Variants in THEMIS observed in about 807,000 individuals in gnomAD.
The protein encoded by THEMIS is protein THEMIS.
Under a neutral mutation model 52.6 loss-of-function variants are expected in THEMIS, and 37 were observed. The observed-to-expected ratio is 0.70, with a 90% CI of 0.54 to 0.93. The LOEUF (loss-of-function observed/expected upper bound fraction) is 0.93, where lower values mean the gene tolerates loss of function less well. THEMIS is among the 40% of genes least tolerant of loss of function. The pLI, the probability that THEMIS is intolerant of heterozygous loss-of-function variation, is 0.00. For synonymous variants in THEMIS, 292 were observed against 272.7 expected (o/e 1.07, Z -0.70); for missense variants, 808 against 763.1 (o/e 1.06, Z -0.69).
Position 127,829,665 on chromosome 6 carries a change from A to G in THEMIS, c.520T>C (p.Tyr174His). 6.2e-7 allele frequency: 1 copy of G among 1,614,090 alleles called. No homozygotes were observed. Among genetic ancestry groups the G allele is most frequent in the Non-Finnish European group, 8.5e-7 (1 of 1,180,008 alleles). Residue 174 changes from tyrosine (Y) to histidine (H), a missense_variant, in exon 3 of 6, where the codon TAC becomes CAC. Transcript: ENST00000368248. ...NLPLSQEGEF[Y>H]ECEDERIYTL... ...TAAATACGTTCATCTTCACACTCGT[A>G]GAATTCTCCTTCTTGTGACAAAGGC...
chr6:127,829,323 T>C (rs932023748), intron 3 of THEMIS, among the ~76,000 whole-genome samples, 153 bp downstream of exon 3: 5 of 152,192 alleles, frequency 3.3e-5, no homozygotes, highest in South Asian at 2.1e-4. Context: ...TGAGCAAATA[T>C]ATGGTTTGCT....
At chr6:127,806,030 C>A (rs2114579339) in intron 4 of THEMIS, among the ~76,000 whole-genome samples, 1 of 151,762 alleles carries the variant, frequency 6.6e-6, no homozygotes, top group African/African-American at 2.4e-5. Flanking sequence ...CTAGTGAGCC[C>A]ACACTCAATT....
At chr6:127,781,358 G>A (rs58260427) in intron 4 of THEMIS, among the ~76,000 whole-genome samples, 2,617 of 151,984 alleles carry the variant, frequency 0.017, 83 homozygotes, top group African/African-American at 0.06. Context: ...GCTTGGAGGA[G>A]TTTGTTATTA....
intron 2 of THEMIS, among the ~76,000 whole-genome samples, chr6:127,835,116 C>A (rs1438919477): frequency 6.6e-6 from 1 of 151,864 alleles, no homozygotes; most frequent in Non-Finnish European, 1.5e-5. Flanking sequence ...ATAGAGGTAT[C>A]AGGGCTAGAA....
At chr6:127,796,407 G>T (rs1373677293) in intron 4 of THEMIS, among the ~76,000 whole-genome samples, 1 of 152,038 alleles carries the variant, frequency 6.6e-6, no homozygotes, top group Admixed American at 6.5e-5. Flanking sequence ...AAATAAAAAA[G>T]GACAAATTTA....
At chr6:127,906,821 G>C (rs1034191605) in intron 1 of THEMIS, among the ~76,000 whole-genome samples, 1 of 151,818 alleles carries the variant, frequency 6.6e-6, no homozygotes, top group African/African-American at 2.4e-5. Flanking sequence ...TATCCCAAGA[G>C]AAGTATTGTT....
intron 4 of THEMIS, among the ~76,000 whole-genome samples, chr6:127,799,105 G>T (rs1777435763): frequency 6.6e-6 from 1 of 152,112 alleles, no homozygotes; most frequent in Admixed American, 6.5e-5. Flanking sequence ...TAAACGTGAG[G>T]CAAGGTATGA....
At chr6:127,777,670 A>G (rs1776609820) in intron 4 of THEMIS, among the ~76,000 whole-genome samples, 1 of 152,194 alleles carries the variant, frequency 6.6e-6, no homozygotes, top group African/African-American at 2.4e-5. Flanking sequence ...GCTGCTTACC[A>G]GATAATGGAC....
Position 127,719,709 on chromosome 6 carries a change from G to A in THEMIS, c.1873C>T (p.Arg625Cys), listed in dbSNP as rs187644987. The A allele has an allele frequency of 1.7e-5, 28 of 1,611,636 alleles. No homozygotes were observed. Among genetic ancestry groups the A allele is most frequent in the South Asian group, 8.8e-5 (8 of 90,850 alleles). Residue 625 changes from arginine (R) to cysteine (C), a missense_variant, in exon 5 of 6, where the codon CGT (arginine) becomes TGT (cysteine). Physicochemically the swap from Arg to Cys is radical, Grantham distance 180. Transcript: ENST00000368248. ...GTACCTGCTATTGCTGTGGCCCCACGGTTGCTCCTTTCTTTCTCTTCATCC... is the reference window on the plus strand; with the variant it reads ...GTACCTGCTATTGCTGTGGCCCCACAGTTGCTCCTTTCTTTCTCTTCATCC... The part of the protein sequence containing the change: ...LVDEEKERSN[R>C]GATAIAETFK...
At chr6:127,773,160 G>A (rs1776444125) in intron 4 of THEMIS, among the ~76,000 whole-genome samples, 2 of 152,160 alleles carry the variant, frequency 1.3e-5, no homozygotes, top group African/African-American at 4.8e-5. Flanking sequence ...GCCCTGGAAT[G>A]TACTTCCTTG....
At chr6:127,741,475 TG>T (rs1346155797) in intron 4 of THEMIS, among the ~76,000 whole-genome samples, 1 of 152,046 alleles carries the variant, frequency 6.6e-6, no homozygotes, top group Non-Finnish European at 1.5e-5. Flanking sequence ...AAAATAAAGA[TG>T]CAAAAATAAA....
intron 4 of THEMIS, among the ~76,000 whole-genome samples, chr6:127,782,082 G>A (rs1437797470): frequency 6.6e-6 from 1 of 152,124 alleles, no homozygotes; most frequent in African/African-American, 2.4e-5. Flanking sequence ...CCTTCCCGGT[G>A]GCTTTGTTTA....
At chr6:127,837,565 C>G (rs1778912118) in intron 2 of THEMIS, among the ~76,000 whole-genome samples, 1 of 151,608 alleles carries the variant, frequency 6.6e-6, no homozygotes, top group African/African-American at 2.4e-5. Context: ...GCCTAAATTT[C>G]TATTTGTGTG....
At chr6:127,769,966 G>A (rs1455070701) in intron 4 of THEMIS, among the ~76,000 whole-genome samples, 1 of 152,118 alleles carries the variant, frequency 6.6e-6, no homozygotes, top group Non-Finnish European at 1.5e-5. Context: ...CCTTTTTTAT[G>A]GATACATAGT....
At chr6:127,745,772 G>A (rs190603711) in intron 4 of THEMIS, among the ~76,000 whole-genome samples, 125 of 151,874 alleles carry the variant, frequency 8.2e-4, no homozygotes, top group Admixed American at 7.7e-3. Flanking sequence ...CAGATAATTA[G>A]CTAATTGCTA....
At chr6:127,891,466 G>A (rs1191104401) in intron 1 of THEMIS, among the ~76,000 whole-genome samples, 1 of 151,134 alleles carries the variant, frequency 6.6e-6, no homozygotes, top group Non-Finnish European at 1.5e-5. Flanking sequence ...AATCCGGGAG[G>A]TGGAGGTTGC....
intron 4 of THEMIS, among the ~76,000 whole-genome samples, chr6:127,720,767 G>A (rs1774335403): frequency 6.6e-6 from 1 of 151,940 alleles, no homozygotes; most frequent in South Asian, 2.1e-4. Context: ...GGCCAATAAG[G>A]AAATTAGGCT....
chr6:127,750,652 C>G (rs1775608755), intron 4 of THEMIS, among the ~76,000 whole-genome samples: 1 of 151,784 alleles, frequency 6.6e-6, no homozygotes. Context: ...CTAACACTGA[C>G]TACATAATTG....
chr6:127,785,529 T>C (rs1263631382), intron 4 of THEMIS, among the ~76,000 whole-genome samples: 2 of 150,828 alleles, frequency 1.3e-5, no homozygotes, highest in African/African-American at 2.4e-5. Flanking sequence ...AACTAGAGAG[T>C]TCTGTGTGGA....
Sources: gnomAD v4.1 joint callset for allele counts (sites outside exome capture counted in the v4.1 genomes callset) on GRCh38, gnomAD v4.1.1 for gene constraint, MANE v1.5 for transcripts, NCBI Gene and HGNC (gene_info 2026-07-23, HGNC 2026-07-21) for gene names.